Variants in MAML2 observed in about 807,000 individuals in gnomAD.
MAML2 encodes the protein mastermind-like protein 2.
A neutral mutation model predicts 96.1 loss-of-function variants in MAML2; 22 were observed. That is an observed-to-expected ratio of 0.23 (90% confidence interval 0.16 to 0.33). The LOEUF is 0.33. MAML2 is among the 10% of genes least tolerant of loss of function. The probability of loss-of-function intolerance (pLI) is 1.00; values close to 1 mark genes in which losing one functional copy is unlikely to be tolerated. For synonymous variants in MAML2, 561 were observed against 521.3 expected, an observed-to-expected ratio of 1.08 and a Z score of -1.04; for missense variants, 1,367 against 1,392.4, an observed-to-expected ratio of 0.98 and a Z score of 0.29.
At chr11:95,999,786 T>C (rs693846) in intron 2 of MAML2, among the ~76,000 whole-genome samples, 2,984 of 152,194 alleles carry the variant, frequency 0.02, 97 homozygotes, top group African/African-American at 0.068. Flanking sequence ...GAGCTAGGCA[T>C]CCGCAATTTG....
chr11:96,232,763 C>T (rs4237576), intron 1 of MAML2, among the ~76,000 whole-genome samples: 72,772 of 152,054 alleles, frequency 0.48, 17,858 homozygotes, highest in Middle Eastern at 0.63. Context: ...TGAGCCACCG[C>T]GCCCGGCCAA....
intron 1 of MAML2, among the ~76,000 whole-genome samples, chr11:96,184,118 C>T (rs1861534609): frequency 6.6e-6 from 1 of 152,182 alleles, no homozygotes; most frequent in African/African-American, 2.4e-5. Flanking sequence ...CTGGGTCAGG[C>T]CAAGCAAAGC....
intron 1 of MAML2, among the ~76,000 whole-genome samples, chr11:96,270,743 C>A (rs564582925): frequency 6.6e-6 from 1 of 152,208 alleles, no homozygotes; most frequent in Non-Finnish European, 1.5e-5. Context: ...CTGCTTAAAA[C>A]CCTCCAGTAC....
At chr11:96,008,382 C>T (rs3903001) in intron 2 of MAML2, among the ~76,000 whole-genome samples, 52,656 of 151,938 alleles carry the variant, frequency 0.35, 9,329 homozygotes, top group South Asian at 0.49. Flanking sequence ...ACTGATATAT[C>T]GTGCAGTTAC....
intron 2 of MAML2, among the ~76,000 whole-genome samples, chr11:96,085,140 T>C (rs543336638): frequency 6.6e-6 from 1 of 151,102 alleles, no homozygotes; most frequent in South Asian, 2.1e-4. Flanking sequence ...CTCTAATTAG[T>C]ATCCAGAGAG....
At position 95,992,101 on chromosome 11, in the gene MAML2, T is replaced by C. The variant is rs570845678; in HGVS notation, c.2140-378A>G. Among the ~76,000 whole-genome samples, 5 of 152,332 alleles carry C rather than the reference T, an allele frequency of 3.3e-5. No individual in the cohort carries two copies. In the East Asian group the frequency reaches 9.6e-4, roughly 29 times the overall value. ...ATCCTTCCTTTTCCCAAAGTTAGCATGTATCATTGCTGATCCTGCAATGAA... is the reference window on the plus strand; with the variant it reads ...ATCCTTCCTTTTCCCAAAGTTAGCACGTATCATTGCTGATCCTGCAATGAA... On this transcript the variant is annotated intron_variant, in intron 2 of 4. Transcript: ENST00000524717.
At chr11:96,090,037 C>T (rs1185555411) in intron 2 of MAML2, among the ~76,000 whole-genome samples, 11 of 58,382 alleles carry the variant, frequency 1.9e-4, no homozygotes, top group South Asian at 4.5e-4. Flanking sequence ...TTCCCTCATA[C>T]GGATGAAATG....
At chr11:96,160,382 T>G (rs990140612) in intron 1 of MAML2, among the ~76,000 whole-genome samples, 1 of 152,080 alleles carries the variant, frequency 6.6e-6, no homozygotes, top group African/African-American at 2.4e-5. Flanking sequence ...ACTTACAAAT[T>G]TTATGGCCTT....
chr11:96,332,996 T>C (rs1410102559), intron 1 of MAML2, among the ~76,000 whole-genome samples: 1 of 152,222 alleles, frequency 6.6e-6, no homozygotes, highest in Non-Finnish European at 1.5e-5. Flanking sequence ...TTGCCTTAAC[T>C]GAATTTTCTT....
intron 1 of MAML2, among the ~76,000 whole-genome samples, chr11:96,209,576 T>TG (rs1861939288): frequency 1.2e-5 from 1 of 84,534 alleles, no homozygotes; most frequent in Non-Finnish European, 2.3e-5. Flanking sequence ...ATTCCATCTC[T>TG]AAAACAAACA....
intron 1 of MAML2, among the ~76,000 whole-genome samples, chr11:96,247,767 T>C (rs986399245): frequency 3.3e-5 from 5 of 152,180 alleles, no homozygotes; most frequent in Non-Finnish European, 5.9e-5. Context: ...CTCTCTCTTC[T>C]AAACCTCCAG....
At chr11:96,009,364 A>G (rs1380195446) in intron 2 of MAML2, among the ~76,000 whole-genome samples, 1 of 152,154 alleles carries the variant, frequency 6.6e-6, no homozygotes, top group African/African-American at 2.4e-5. Context: ...ACACCCTACT[A>G]TTGCTTTCTA....
chr11:96,076,765 T>C (rs1859447369), intron 2 of MAML2, among the ~76,000 whole-genome samples: 1 of 152,156 alleles, frequency 6.6e-6, no homozygotes, highest in Non-Finnish European at 1.5e-5. Flanking sequence ...ATGAGGAAAA[T>C]GAGATCTATG....
intron 1 of MAML2, among the ~76,000 whole-genome samples, chr11:96,283,398 G>C (rs1863097599): frequency 6.6e-6 from 1 of 152,194 alleles, no homozygotes; most frequent in South Asian, 2.1e-4. Flanking sequence ...TAGAACACTT[G>C]ACATGGGAAA....
chr11:96,150,404 C>G (rs547492773), intron 1 of MAML2, among the ~76,000 whole-genome samples: 242 of 152,094 alleles, frequency 1.6e-3, no homozygotes, highest in Non-Finnish European at 3.0e-3. Flanking sequence ...TTAGGGTGCC[C>G]GGGAAGACTT....
At chr11:96,145,251 C>G (rs778577973) in intron 1 of MAML2, among the ~76,000 whole-genome samples, 4 of 152,176 alleles carry the variant, frequency 2.6e-5, no homozygotes, top group Non-Finnish European at 5.9e-5. Context: ...CCTTTGGAGA[C>G]CTTGAGGAAG....
At chr11:96,255,592 C>A (rs1035846881) in intron 1 of MAML2, among the ~76,000 whole-genome samples, 6 of 152,174 alleles carry the variant, frequency 3.9e-5, no homozygotes, top group African/African-American at 1.4e-4. Context: ...AGGTAGAATT[C>A]CAACAGAAGA....
intron 2 of MAML2, among the ~76,000 whole-genome samples, chr11:96,000,368 A>T (rs1472434293): frequency 6.6e-6 from 1 of 152,150 alleles, no homozygotes; most frequent in African/African-American, 2.4e-5. Flanking sequence ...AGCCATACAC[A>T]TTCATTCATA....
intron 1 of MAML2, among the ~76,000 whole-genome samples, chr11:96,322,583 T>C (rs1223978782): frequency 1.3e-5 from 2 of 151,672 alleles, no homozygotes; most frequent in African/African-American, 4.8e-5. Context: ...TCCCAGCTCC[T>C]AGGGAGGCTG....
Sources: gnomAD v4.1 joint callset for allele counts (sites outside exome capture counted in the v4.1 genomes callset) on GRCh38, gnomAD v4.1.1 for gene constraint, MANE v1.5 for transcripts, NCBI Gene and HGNC (gene_info 2026-07-23, HGNC 2026-07-21) for gene names.